GRHL2: variants seen among roughly 807,000 people sequenced by gnomAD.
GRHL2 encodes the protein grainyhead-like protein 2 homolog.
GRHL2 carries 21 observed loss-of-function variants against 83.8 expected under a neutral mutation model. The ratio of observed to expected loss-of-function variants is 0.25; its 90% CI spans 0.18 to 0.36. The LOEUF (loss-of-function observed/expected upper bound fraction) is 0.36. GRHL2 is among the 10% of genes least tolerant of loss of function. The pLI is 1.00. For synonymous variants in GRHL2, 280 were observed against 278.9 expected, an observed-to-expected ratio of 1.00 and a Z score of -0.04; for missense variants, 623 against 781.8, an observed-to-expected ratio of 0.80 and a Z score of 2.42.
At chr8:101,537,539 A>C (rs779128999) in intron 1 of GRHL2, among the ~76,000 whole-genome samples, 2 of 152,244 alleles carry the variant, frequency 1.3e-5, no homozygotes, top group Non-Finnish European at 2.9e-5. Flanking sequence ...AGTTCTATGG[A>C]GCGTACTACT....
At position 101,649,564 on chromosome 8, in the gene GRHL2, G is replaced by A. The variant is rs1813580487; in HGVS notation, c.1698+65G>A. 24 of 1,220,838 alleles carry A rather than the reference G, an allele frequency of 2.0e-5. 1 individual carries two copies. In the South Asian group the frequency reaches 3.0e-4, roughly 15 times the overall value. 75.6% of individuals were successfully genotyped at this position (1,220,838 alleles called of 1,614,324 possible). A position where few individuals can be genotyped will look rare whatever the true frequency, so the allele number is the denominator to read the frequency against. ...GTGTTCTCTCTCCTCTGGAATCCAT[G>A]TACTAACGTGCAGCCACCGAGATGG... is the stretch of plus-strand genomic sequence containing the variant. On this transcript the variant is annotated intron_variant, in intron 14 of 15. Transcript: ENST00000646743.
intron 11 of GRHL2, 31 bp from the exon 12 acceptor site, chr8:101,636,866 C>A: frequency 6.2e-7 from 1 of 1,605,862 alleles, no homozygotes; most frequent in Non-Finnish European, 8.5e-7. Flanking sequence ...TTGTCTCTGA[C>A]CTACAGTAAG....
At chr8:101,567,955 T>A (rs1313530784) in intron 4 of GRHL2, among the ~76,000 whole-genome samples, 1 of 152,232 alleles carries the variant, frequency 6.6e-6, no homozygotes, top group East Asian at 1.9e-4. Context: ...GCAAACACTT[T>A]GGAAATGCAT....
chr8:101,552,342 TTA>T (rs1303524858), intron 2 of GRHL2, among the ~76,000 whole-genome samples: 1 of 152,178 alleles, frequency 6.6e-6, no homozygotes, highest in East Asian at 1.9e-4. Context: ...TGTAACTCTA[TTA>T]TGTTTTTGTC....
chr8:101,653,750 A>AC (rs2129721420), intron 14 of GRHL2, among the ~76,000 whole-genome samples: 1 of 151,800 alleles, frequency 6.6e-6, no homozygotes, highest in African/African-American at 2.4e-5. Flanking sequence ...AAAAAAAACA[A>AC]AAACAAAAAC....
At chr8:101,565,752 TCTCCCATTAGTC>T (rs1373806598) in intron 4 of GRHL2, among the ~76,000 whole-genome samples, 1 of 152,200 alleles carries the variant, frequency 6.6e-6, no homozygotes, top group African/African-American at 2.4e-5. Context: ...GAAGTTTAAT[TCTCCCATTAGTC>T]CTCCCATGTG....
chr8:101,506,876 A>G (rs1031345393), intron 1 of GRHL2, among the ~76,000 whole-genome samples: 6 of 151,990 alleles, frequency 3.9e-5, no homozygotes, highest in African/African-American at 7.2e-5. Flanking sequence ...AAGAGATTAA[A>G]CATTTTCTCA....
At chr8:101,493,660 G>C (rs1172826655) in intron 1 of GRHL2, among the ~76,000 whole-genome samples, 1 of 152,104 alleles carries the variant, frequency 6.6e-6, no homozygotes, top group Non-Finnish European at 1.5e-5. Flanking sequence ...CCGCCACCTC[G>C]GACGCGGCAG....
rs1230320405 is a variant in GRHL2, at chr8:101,558,572, C to T, written c.438C>T (p.Ser146=). 6.2e-7 allele frequency: 1 copy of T among 1,614,168 alleles called. No homozygotes were observed. Among genetic ancestry groups the T allele is most frequent in the Admixed American group, 1.7e-5 (1 of 60,016 alleles). The change falls in exon 4 of 16, where the codon AGC becomes AGT. Residue 146 remains serine (S), a synonymous_variant. Transcript: ENST00000646743. ...AGTACAGCATCAGCTTCCCCGAGAG[C>T]TCTGCCATCATCCCGGTGTCGGGAA... ...REQYSISFPE[S]SAIIPVSGIT... is the part of the protein sequence containing the mutation.
At chr8:101,522,285 C>G (rs1043706138) in intron 1 of GRHL2, among the ~76,000 whole-genome samples, 11 of 151,814 alleles carry the variant, frequency 7.2e-5, no homozygotes, top group African/African-American at 2.4e-4. Flanking sequence ...AAAATAATAA[C>G]AATAATAACA....
chr8:101,670,729 G>A (rs947610395), downstream of GRHL2, among the ~76,000 whole-genome samples: 4 of 152,216 alleles, frequency 2.6e-5, no homozygotes, highest in Admixed American at 6.5e-5. Context: ...TGCTCGCCAT[G>A]TGTGCCAACC....
rs1554596293 is a variant in GRHL2 at position 101,647,750 on chromosome 8, C to CT, written c.1613-1655dup. On this transcript the variant is annotated intron_variant, in intron 13 of 15. Transcript: ENST00000646743. ...TGTTCATTATTTTCTTTTTCTTTTT[C>CT]TTTTTTTTTCATACACTAACTGAAC... Among the ~76,000 whole-genome samples, 10 of 151,044 alleles carry CT rather than the reference C, an allele frequency of 6.6e-5. No individual in the cohort carries two copies. The East Asian group carries it at 7.8e-4, about 12-fold the overall frequency.
intron 1 of GRHL2, chr8:101,529,046 C>A: frequency 2.6e-6 from 1 of 384,048 alleles, no homozygotes; most frequent in South Asian, 2.0e-5. Flanking sequence ...TTCTCTGCTT[C>A]CACGTCAACA....
At chr8:101,670,159 C>T (rs1814181055), downstream of GRHL2, among the ~76,000 whole-genome samples, 2 of 152,168 alleles carry the variant, frequency 1.3e-5, no homozygotes, top group South Asian at 4.1e-4. Flanking sequence ...AATCTCTTGC[C>T]CTGGAACCCA....
chr8:101,566,460 G>A (rs1256628016), intron 4 of GRHL2, among the ~76,000 whole-genome samples: 4 of 151,478 alleles, frequency 2.6e-5, no homozygotes, highest in African/African-American at 9.7e-5. Context: ...CATGTCCACA[G>A]CTTCAGTTAT....
intron 15 of GRHL2, among the ~76,000 whole-genome samples, chr8:101,666,260 CTAATGAT>C (rs1344461850): frequency 2.0e-5 from 3 of 152,130 alleles, no homozygotes; most frequent in Non-Finnish European, 4.4e-5. Flanking sequence ...GAGAGAGAGC[CTAATGAT>C]TTAGGTTCTG....
chr8:101,580,910 A>G (rs1454762119), intron 7 of GRHL2, among the ~76,000 whole-genome samples: 2 of 151,824 alleles, frequency 1.3e-5, no homozygotes, highest in African/African-American at 4.8e-5. Context: ...TCACTGTGTT[A>G]GCCAGGATGG....
intron 7 of GRHL2, among the ~76,000 whole-genome samples, chr8:101,597,093 G>GA (rs1812406784): frequency 6.6e-6 from 1 of 152,162 alleles, no homozygotes; most frequent in African/African-American, 2.4e-5. Context: ...AAAGTAGAGA[G>GA]AAAAAGGGAA....
At chr8:101,616,553 T>C (rs1373016395) in intron 8 of GRHL2, among the ~76,000 whole-genome samples, 2 of 152,184 alleles carry the variant, frequency 1.3e-5, no homozygotes, top group African/African-American at 4.8e-5. Flanking sequence ...CTCTTTTTCT[T>C]TACTGTTCCT....
Sources: allele counts gnomAD v4.1 joint callset (sites outside exome capture counted in the v4.1 genomes callset), GRCh38; gene constraint gnomAD v4.1.1; transcripts MANE v1.5; gene names NCBI Gene and HGNC (gene_info 2026-07-23, HGNC 2026-07-21).